ANXA8: variants seen among roughly 807,000 people sequenced by gnomAD.
The protein encoded by ANXA8 is annexin A8.
A neutral mutation model predicts 26.8 loss-of-function variants in ANXA8; 9 were observed. The observed-to-expected ratio is 0.34, with a 90% CI of 0.20 to 0.59. ANXA8 has a LOEUF of 0.59. Among genes scored for constraint, ANXA8 ranks in the 20% least tolerant of loss-of-function variants. The pLI, the probability that ANXA8 is intolerant of heterozygous loss-of-function variation, is 0.84. For synonymous variants in ANXA8, 39 were observed against 94.8 expected, an observed-to-expected ratio of 0.41 and a Z score of 3.42; for missense variants, 83 against 238.5, an observed-to-expected ratio of 0.35 and a Z score of 4.29.
At chr10:47,702,688 C>T in the ANXA8 span, among the ~76,000 whole-genome samples, 3 of 151,828 alleles carry the variant, frequency 2.0e-5, no homozygotes, top group East Asian at 5.8e-4. Context: ...GGCTAGAGTA[C>T]AGTGGTGCGA....
At chr10:47,768,051 A>G in the ANXA8 span, among the ~76,000 whole-genome samples, 1 of 149,804 alleles carries the variant, frequency 6.7e-6, no homozygotes, top group African/African-American at 2.5e-5. Context: ...TCTCTTGACC[A>G]CCAAGGCTGC....
At chr10:47,666,652 C>G in the ANXA8 span, among the ~76,000 whole-genome samples, 1 of 151,928 alleles carries the variant, frequency 6.6e-6, no homozygotes, top group East Asian at 1.9e-4. Context: ...TTTGTTTGGG[C>G]TTTATGTCCT....
At chr10:47,567,276 T>C in the ANXA8 span, among the ~76,000 whole-genome samples, 1 of 129,276 alleles carries the variant, frequency 7.7e-6, no homozygotes. Flanking sequence ...GCGCCCTCTT[T>C]CTAGACAGCA....
chr10:47,743,012 A>G, the ANXA8 span, among the ~76,000 whole-genome samples: 71 of 126,710 alleles, frequency 5.6e-4, no homozygotes, highest in African/African-American at 2.0e-3. Flanking sequence ...AAAAAAAAAA[A>G]TACAAAAAAT....
chr10:47,711,167 T>C, the ANXA8 span, among the ~76,000 whole-genome samples: 2 of 140,564 alleles, frequency 1.4e-5, no homozygotes, highest in Admixed American at 7.0e-5. Context: ...ATTTTTATTA[T>C]AGTTGTTTTA....
At chr10:47,656,509 T>G in the ANXA8 span, among the ~76,000 whole-genome samples, 1 of 144,160 alleles carries the variant, frequency 6.9e-6, no homozygotes, top group Non-Finnish European at 1.5e-5. Flanking sequence ...TCGAGGGATA[T>G]TCTATGAAAA....
the ANXA8 span, among the ~76,000 whole-genome samples, chr10:47,979,850 G>A: frequency 6.6e-6 from 1 of 151,658 alleles, no homozygotes; most frequent in African/African-American, 2.4e-5. Context: ...ATGAACAAGG[G>A]AACTCTCCGA....
the ANXA8 span, among the ~76,000 whole-genome samples, chr10:47,989,075 A>G: frequency 6.8e-6 from 1 of 146,298 alleles, no homozygotes; most frequent in Non-Finnish European, 1.5e-5. Context: ...GTAAGTACTG[A>G]TGCCTCACTT....
At chr10:47,748,079 A>C in the ANXA8 span, among the ~76,000 whole-genome samples, 1 of 152,164 alleles carries the variant, frequency 6.6e-6, no homozygotes, top group African/African-American at 2.4e-5. Context: ...GAGTCTTAGA[A>C]GGGAGGAAGA....
the ANXA8 span, among the ~76,000 whole-genome samples, chr10:47,937,945 A>C: frequency 8.9e-6 from 1 of 112,936 alleles, no homozygotes; most frequent in Non-Finnish European, 1.9e-5. Context: ...ATTTAGGTTG[A>C]TTCCATGTCT....
the ANXA8 span, chr10:47,986,300 T>C: frequency 5.7e-6 from 1 of 174,872 alleles, no homozygotes; most frequent in African/African-American, 2.4e-5. Context: ...CGTTCCTTTG[T>C]GAATAGTTTA....
chr10:47,735,394 C>T, the ANXA8 span, among the ~76,000 whole-genome samples: 3 of 148,566 alleles, frequency 2.0e-5, no homozygotes, highest in East Asian at 2.0e-4. Flanking sequence ...TGCACCAGGC[C>T]GTTTCTTTTT....
At chr10:47,475,273 C>T (rs1219224809) in intron 6 of ANXA8, among the ~76,000 whole-genome samples, 2 of 150,174 alleles carry the variant, frequency 1.3e-5, no homozygotes, top group Non-Finnish European at 3.0e-5. Context: ...TGCTCTCCTC[C>T]CGCTTCCAGG....
the ANXA8 span, among the ~76,000 whole-genome samples, chr10:47,659,579 G>A: frequency 8.1e-4 from 123 of 151,340 alleles, no homozygotes; most frequent in African/African-American, 2.8e-3. Flanking sequence ...GGGAGGCTGA[G>A]GCAGGAGAAT....
chr10:47,743,311 T>C, the ANXA8 span, among the ~76,000 whole-genome samples: 151 of 19,152 alleles, frequency 7.9e-3, 1 homozygote, highest in Middle Eastern at 0.056. Flanking sequence ...TATATATATA[T>C]ACACATATAT....
chr10:47,775,348 G>C, the ANXA8 span, among the ~76,000 whole-genome samples: 84 of 149,592 alleles, frequency 5.6e-4, 1 homozygote, highest in Non-Finnish European at 1.0e-3. Context: ...ACTCCAGCCT[G>C]GGCAACAGAG....
chr10:47,731,194 G>GA, the ANXA8 span, among the ~76,000 whole-genome samples: 979 of 151,810 alleles, frequency 6.4e-3, no homozygotes, highest in African/African-American at 0.022. Context: ...CATATTGCCT[G>GA]AAAATAAATT....
At chr10:47,595,906 A>G in the ANXA8 span, among the ~76,000 whole-genome samples, 2 of 148,636 alleles carry the variant, frequency 1.3e-5, no homozygotes, top group Non-Finnish European at 2.9e-5. Flanking sequence ...CACTTGACCA[A>G]TTGAACCTAA....
chr10:47,546,269 G>A, the ANXA8 span, among the ~76,000 whole-genome samples: 1 of 136,288 alleles, frequency 7.3e-6, no homozygotes, highest in African/African-American at 2.7e-5. Context: ...CCTCTAACTT[G>A]TATGTTAATT....
Sources: gnomAD v4.1 joint callset for allele counts (sites outside exome capture counted in the v4.1 genomes callset) on GRCh38, gnomAD v4.1.1 for gene constraint, MANE v1.5 for transcripts, NCBI Gene and HGNC (gene_info 2026-07-23, HGNC 2026-07-21) for gene names.